Variants in ANKS1B observed in about 807,000 individuals in gnomAD.
ANKS1B encodes the protein ankyrin repeat and sterile alpha motif domain-containing protein 1B.
ANKS1B carries 36 observed loss-of-function variants against 148.3 expected under a neutral mutation model. The observed-to-expected ratio is 0.24, with a 90% CI of 0.19 to 0.32. The LOEUF (loss-of-function observed/expected upper bound fraction) is 0.32, where lower values mean the gene tolerates loss of function less well. ANKS1B is among the 10% of genes least tolerant of loss of function. ANKS1B has a pLI of 1.00. For synonymous variants in ANKS1B, 542 were observed against 560.8 expected (o/e 0.97, Z 0.47); for missense variants, 1,157 against 1,542.6 (o/e 0.75, Z 4.19).
At chr12:99,666,449 T>A (rs1413672287) in intron 8 of ANKS1B, among the ~76,000 whole-genome samples, 2 of 151,912 alleles carry the variant, frequency 1.3e-5, no homozygotes, top group African/African-American at 2.4e-5. Context: ...GGTATTAGGT[T>A]TTCTTTAATT....
chr12:98,855,916 G>A (rs537284744), intron 17 of ANKS1B, among the ~76,000 whole-genome samples: 3 of 152,226 alleles, frequency 2.0e-5, no homozygotes, highest in African/African-American at 7.2e-5. Context: ...TGTCAACTGT[G>A]CGTCTCCAAG....
In ANKS1B at chr12:99,362,771, C is replaced by T. The variant is rs187239926; in HGVS notation, c.1756+36860G>A. ...TTAATAAACGCAGTCAAGTTATCTG[C>T]TAATTTTTACATTTTCTCCTCTGAA... On this transcript the variant is annotated intron_variant, in intron 12 of 26. Transcript: ENST00000683438. Among the ~76,000 whole-genome samples the T allele has an allele frequency of 3.3e-3, 509 of 152,104 alleles. 3 individuals are homozygous for T. The highest frequency in any genetic ancestry group is 0.012 in the African/African-American group (489 of 41,536).
intron 12 of ANKS1B, among the ~76,000 whole-genome samples, chr12:99,285,448 CA>C (rs2079006905): frequency 6.6e-6 from 1 of 152,138 alleles, no homozygotes; most frequent in Admixed American, 6.5e-5. Context: ...ATTCTATCGC[CA>C]TTTGTTTTCA....
intron 12 of ANKS1B, among the ~76,000 whole-genome samples, chr12:99,378,241 G>T (rs903401663): frequency 7.9e-5 from 12 of 152,180 alleles, no homozygotes; most frequent in Admixed American, 5.9e-4. Flanking sequence ...ACACAAAATA[G>T]AGAATGGATT....
intron 14 of ANKS1B, among the ~76,000 whole-genome samples, chr12:99,172,525 A>T (rs1175684154): frequency 2.0e-5 from 3 of 152,164 alleles, no homozygotes; most frequent in Non-Finnish European, 4.4e-5. Flanking sequence ...AGAACAAAGT[A>T]AGCCCTGGTT....
intron 17 of ANKS1B, among the ~76,000 whole-genome samples, chr12:99,038,177 G>C (rs1204236447): frequency 6.6e-6 from 1 of 152,094 alleles, no homozygotes; most frequent in Non-Finnish European, 1.5e-5. Context: ...ATGCTTCTAT[G>C]TATCATTGCT....
chr12:99,618,797 T>G (rs921998064), intron 9 of ANKS1B, among the ~76,000 whole-genome samples: 1 of 151,994 alleles, frequency 6.6e-6, no homozygotes, highest in Admixed American at 6.6e-5. Flanking sequence ...TTAATTCGAG[T>G]GCATACTAAG....
intron 24 of ANKS1B, among the ~76,000 whole-genome samples, chr12:98,778,366 C>T (rs2098701578): frequency 6.6e-6 from 1 of 152,130 alleles, no homozygotes; most frequent in African/African-American, 2.4e-5. Context: ...ATCCCAGCTA[C>T]TCGGGAGGCT....
chr12:99,151,617 A>G (rs1168646108), intron 15 of ANKS1B, among the ~76,000 whole-genome samples: 1 of 152,052 alleles, frequency 6.6e-6, no homozygotes, highest in Non-Finnish European at 1.5e-5. Flanking sequence ...CTTATTAAAG[A>G]TAATAATAGC....
chr12:99,331,416 C>CT (rs1299695663), intron 12 of ANKS1B, among the ~76,000 whole-genome samples: 5 of 151,992 alleles, frequency 3.3e-5, no homozygotes, highest in Admixed American at 2.0e-4. Context: ...TTACAACCTC[C>CT]TGCAGCTGCC....
rs569053396 is a variant in ANKS1B, at chr12:99,409,159, A to G, written c.1576-9348T>C. Among the ~76,000 whole-genome samples, 21 of 152,366 alleles carry G rather than the reference A, an allele frequency of 1.4e-4. No individual in the cohort carries two copies. The South Asian group carries it at 4.3e-3, about 32-fold the overall frequency. ...TGGTACATAAACACAATGGCATACTATTCGGCTATAAAAAAGAATGAGATC... is the reference window on the plus strand; with the variant it reads ...TGGTACATAAACACAATGGCATACTGTTCGGCTATAAAAAAGAATGAGATC... On this transcript the variant is annotated intron_variant, in intron 11 of 26. Coordinates refer to ENST00000683438, the MANE Select transcript of ANKS1B (RefSeq NM_001352186.2).
At chr12:99,118,570 C>A (rs1252064530) in intron 15 of ANKS1B, among the ~76,000 whole-genome samples, 1 of 152,156 alleles carries the variant, frequency 6.6e-6, no homozygotes, top group Non-Finnish European at 1.5e-5. Context: ...AGTTAATATT[C>A]CATTTACCAA....
At chr12:99,632,753 A>T (rs1452702589) in intron 9 of ANKS1B, among the ~76,000 whole-genome samples, 1 of 86,546 alleles carries the variant, frequency 1.2e-5, no homozygotes, top group African/African-American at 4.0e-5. Flanking sequence ...ATATATATAT[A>T]TATATATATA....
intron 17 of ANKS1B, among the ~76,000 whole-genome samples, chr12:98,846,188 A>C (rs2099466953): frequency 2.0e-5 from 3 of 152,196 alleles, no homozygotes; most frequent in African/African-American, 2.4e-5. Context: ...TGGCTGAGGA[A>C]TGCACACTGG....
intron 25 of ANKS1B, among the ~76,000 whole-genome samples, chr12:98,755,076 C>T (rs1032323467): frequency 3.9e-5 from 6 of 152,104 alleles, no homozygotes; most frequent in Non-Finnish European, 8.8e-5. Flanking sequence ...CGAGACACAC[C>T]TTCCAAGTGC....
intron 8 of ANKS1B, among the ~76,000 whole-genome samples, chr12:99,718,158 C>T (rs1200940627): frequency 2.6e-5 from 4 of 152,064 alleles, no homozygotes; most frequent in South Asian, 2.1e-4. Context: ...CCTCTGCTTC[C>T]CAAAGTGCTG....
At chr12:99,149,284 A>C (rs2074188337) in intron 15 of ANKS1B, among the ~76,000 whole-genome samples, 1 of 152,160 alleles carries the variant, frequency 6.6e-6, no homozygotes, top group East Asian at 1.9e-4. Flanking sequence ...CAATGGGAAA[A>C]AAGTTTTAAT....
intron 17 of ANKS1B, among the ~76,000 whole-genome samples, chr12:99,033,905 G>A (rs948385761): frequency 3.9e-5 from 6 of 152,170 alleles, no homozygotes; most frequent in African/African-American, 1.4e-4. Flanking sequence ...ATCCCTATTA[G>A]TAGAAAAAGC....
chr12:99,509,672 A>G (rs1330235181), intron 9 of ANKS1B, among the ~76,000 whole-genome samples: 1 of 152,030 alleles, frequency 6.6e-6, no homozygotes, highest in Non-Finnish European at 1.5e-5. Flanking sequence ...TGCAAGGTGA[A>G]GCATCAAATG....
Sources: gnomAD v4.1 joint callset for allele counts (sites outside exome capture counted in the v4.1 genomes callset) on GRCh38, gnomAD v4.1.1 for gene constraint, MANE v1.5 for transcripts, NCBI Gene and HGNC (gene_info 2026-07-23, HGNC 2026-07-21) for gene names.